The following ANK3 variants were observed in gnomAD, a reference collection of about 807,000 sequenced individuals.
The protein encoded by ANK3 is ankyrin-3.
A neutral mutation model predicts 370.9 loss-of-function variants in ANK3; 57 were observed. The observed-to-expected ratio is 0.15, with a 90% CI of 0.12 to 0.19. The LOEUF (loss-of-function observed/expected upper bound fraction) is 0.19, where lower values mean the gene tolerates loss of function less well. Ranked by LOEUF, ANK3 falls within the 10% of genes least tolerant of loss-of-function variation. The probability of loss-of-function intolerance (pLI) is 1.00; values close to 1 mark genes in which losing one functional copy is unlikely to be tolerated. For synonymous variants in ANK3, 1,929 were observed against 1,946.3 expected (o/e 0.99, Z 0.23); for missense variants, 4,439 against 5,302.1 (o/e 0.84, Z 5.06).
chr10:60,423,532 C>T (rs1414987981), intron 2 of ANK3, among the ~76,000 whole-genome samples: 2 of 151,826 alleles, frequency 1.3e-5, no homozygotes, highest in Non-Finnish European at 2.9e-5. Flanking sequence ...GTGGTTGTCA[C>T]TCTTCATTGC....
intron 41 of ANK3, 23 bp from the exon 42 acceptor site, chr10:60,056,059 T>G: frequency 6.3e-7 from 1 of 1,579,496 alleles, no homozygotes; most frequent in Non-Finnish European, 8.6e-7. Flanking sequence ...ATTTGCAAAT[T>G]CACAATGGCA....
At chr10:60,288,997 T>C (rs1347603203) in intron 1 of ANK3, among the ~76,000 whole-genome samples, 3 of 151,862 alleles carry the variant, frequency 2.0e-5, no homozygotes, top group Non-Finnish European at 2.9e-5. Context: ...CTCAAACTGA[T>C]CTCCTTTGGT....
chr10:60,125,252 A>G lies in ANK3; in HGVS notation c.2841+9019T>C, dbSNP rs531242699. ...CATATAAAGAAATTTCGTTCATTAA[A>G]TTTCCGAATTGGATTGATTTCAAGA... On this transcript the variant is annotated intron_variant, in intron 25 of 43. Coordinates refer to ENST00000280772, the MANE Select transcript of ANK3 (RefSeq NM_020987.5). 3.3e-5 allele frequency among the ~76,000 whole-genome samples: 5 copies of G among 152,320 alleles called. No individual in the cohort carries two copies. In the East Asian group the frequency reaches 7.7e-4, roughly 24 times the overall value.
At chr10:60,715,385 C>T (rs553394699) in intron 1 of ANK3, among the ~76,000 whole-genome samples, 74 of 152,152 alleles carry the variant, frequency 4.9e-4, no homozygotes, top group Admixed American at 2.2e-3. Flanking sequence ...TAAAGGAACA[C>T]AAGCTCTGAA....
At chr10:60,483,292 C>T (rs1466841425) in intron 2 of ANK3, among the ~76,000 whole-genome samples, 2 of 152,176 alleles carry the variant, frequency 1.3e-5, no homozygotes, top group Non-Finnish European at 2.9e-5. Flanking sequence ...AGCAAAGAGA[C>T]TTCTATCTGT....
chr10:60,143,269 T>A (rs936510682), intron 23 of ANK3, among the ~76,000 whole-genome samples: 3 of 152,264 alleles, frequency 2.0e-5, no homozygotes, highest in East Asian at 3.9e-4. Flanking sequence ...TCATTCACAC[T>A]CCTTTCAATG....
intron 1 of ANK3, among the ~76,000 whole-genome samples, chr10:60,355,658 C>T (rs937853629): frequency 9.9e-5 from 15 of 152,184 alleles, no homozygotes; most frequent in Admixed American, 2.6e-4. Flanking sequence ...ATGAAGTGCT[C>T]GCTCACCTCC....
At chr10:60,408,285 T>G (rs1310044754) in intron 2 of ANK3, among the ~76,000 whole-genome samples, 2 of 152,190 alleles carry the variant, frequency 1.3e-5, no homozygotes, top group Non-Finnish European at 2.9e-5. Context: ...ACCCCAGTGT[T>G]GGGGTGTGGC....
At position 60,267,516 on chromosome 10, in the gene ANK3, A is replaced by G. The variant is rs1375837502; in HGVS notation, c.513+2615T>C. On this transcript the variant is annotated intron_variant, in intron 5 of 43. Coordinates refer to ENST00000280772, the MANE Select transcript of ANK3 (RefSeq NM_020987.5). ...ATAACATGAAATTAAATCAATGTAA[A>G]AGAGTAAAAACTTTAAAATATATAT... Among the ~76,000 whole-genome samples the G allele has an allele frequency of 3.9e-5, 6 of 152,328 alleles. No homozygotes were observed. In the East Asian group the frequency reaches 1.2e-3, roughly 29 times the overall value.
At chr10:60,305,443 T>A (rs2044809489) in intron 1 of ANK3, among the ~76,000 whole-genome samples, 2 of 151,192 alleles carry the variant, frequency 1.3e-5, no homozygotes, top group African/African-American at 4.9e-5. Flanking sequence ...CACTTGGGAG[T>A]TTAATCATGC....
intron 1 of ANK3, among the ~76,000 whole-genome samples, chr10:60,291,713 C>G (rs74395695): frequency 0.11 from 16,054 of 152,012 alleles, 1,078 homozygotes; most frequent in Non-Finnish European, 0.15. Flanking sequence ...GCCCTTTATC[C>G]AAGATACATT....
chr10:60,616,327 T>C (rs2078267474), intron 1 of ANK3, among the ~76,000 whole-genome samples: 1 of 152,182 alleles, frequency 6.6e-6, no homozygotes, highest in Admixed American at 6.5e-5. Context: ...TGCACATTCA[T>C]TACAGAAAAT....
intron 43 of ANK3, among the ~76,000 whole-genome samples, chr10:60,042,225 T>C (rs1317420742): frequency 1.3e-5 from 2 of 152,214 alleles, no homozygotes; most frequent in Admixed American, 6.5e-5. Flanking sequence ...AATTTAGACT[T>C]GGAAAGTCAC....
chr10:60,427,433 G>A (rs943438627), intron 2 of ANK3, among the ~76,000 whole-genome samples: 6 of 151,872 alleles, frequency 4.0e-5, no homozygotes, highest in African/African-American at 1.5e-4. Flanking sequence ...TTCTTGGTGA[G>A]GAACCACAGA....
In ANK3 at chr10:60,677,784, CA is replaced by C. The variant is rs752482255; in HGVS notation, c.57+55478del. Among the ~76,000 whole-genome samples the C allele has an allele frequency of 9.0e-3, 894 of 99,254 alleles. 12 individuals are homozygous for C. Among genetic ancestry groups the C allele is most frequent in the African/African-American group, 0.022 (604 of 27,352 alleles). 65.1% of individuals were successfully genotyped at this position (99,254 alleles called of 152,430 possible). A position where few individuals can be genotyped will look rare whatever the true frequency, so the allele number is the denominator to read the frequency against. On this transcript the variant is annotated intron_variant, in intron 1 of 43. Coordinates refer to the ANK3 transcript ENST00000373827. Reference sequence around the variant, plus strand: ...CCAAACTAATCCTTTCTCAACTACCCAAAAAAAAAAAAAAAGAAAAGAAAAG... The same window carrying C: ...CCAAACTAATCCTTTCTCAACTACCCAAAAAAAAAAAAAAGAAAAGAAAAG...
chr10:60,498,760 T>C (rs539527142), intron 2 of ANK3, among the ~76,000 whole-genome samples: 67 of 152,354 alleles, frequency 4.4e-4, no homozygotes, highest in Non-Finnish European at 8.7e-4. Flanking sequence ...TGTCTTTAAC[T>C]GACTTGACTG....
At chr10:60,302,455 CATTT>C (rs1418841596) in intron 1 of ANK3, among the ~76,000 whole-genome samples, 1 of 152,046 alleles carries the variant, frequency 6.6e-6, no homozygotes, top group African/African-American at 2.4e-5. Flanking sequence ...ATTATAATAA[CATTT>C]ATCAAACATG....
chr10:60,627,257 A>G (rs1207353011), intron 1 of ANK3, among the ~76,000 whole-genome samples: 1 of 152,072 alleles, frequency 6.6e-6, no homozygotes, highest in Non-Finnish European at 1.5e-5. Flanking sequence ...TCAAACTGCA[A>G]TTTCTAGAAT....
intron 2 of ANK3, among the ~76,000 whole-genome samples, chr10:60,461,279 G>A (rs2064876966): frequency 6.6e-6 from 1 of 152,100 alleles, no homozygotes; most frequent in South Asian, 2.1e-4. Flanking sequence ...ATCAATGAAT[G>A]CTATACTTAC....
Sources: gnomAD v4.1 joint callset for allele counts (sites outside exome capture counted in the v4.1 genomes callset) on GRCh38, gnomAD v4.1.1 for gene constraint, MANE v1.5 for transcripts, NCBI Gene and HGNC (gene_info 2026-07-23, HGNC 2026-07-21) for gene names.